TTN: variants seen among roughly 807,000 people sequenced by gnomAD.
TTN encodes the protein titin, also known as connectin.
TTN carries 1,525 observed loss-of-function variants against 3,223.0 expected under a neutral mutation model. The observed-to-expected ratio is 0.47, with a 90% confidence interval of 0.45 to 0.49. The LOEUF is 0.49. TTN is among the 20% of genes least tolerant of loss of function. TTN has a pLI of 0.00. For missense variants in TTN, 40,786 were observed against 43,424.0 expected, an observed-to-expected ratio of 0.94 and a Z score of 5.40; for synonymous variants, 14,094 against 15,161.0, an observed-to-expected ratio of 0.93 and a Z score of 5.17.
chr2:178,650,023 T>C, intron 210 of TTN, 129 bp from the exon 211 acceptor site: 1 of 1,298,430 alleles, frequency 7.7e-7, no homozygotes, highest in South Asian at 1.3e-5. Context: ...CAAAGTTTTA[T>C]GTGTAGAAAT....
rs752616186 is a variant in TTN, at chr2:178,757,630, G to T, written c.10590C>A (p.Tyr3530Ter). Residue 3530 changes from tyrosine (Y) to a stop codon, truncating the protein, a stop_gained, in exon 45 of 363, where the codon TAC (tyrosine) becomes TAA (stop). Coordinates refer to ENST00000589042, the MANE Select transcript of TTN (RefSeq NM_001267550.2). LOFTEE classifies it high-confidence loss of function. Reference sequence around the variant, plus strand: ...AAGAGTACTGCCCAGCATGCTCTGAGTAAGCATCAACTATAAGCATTAAAG... The same window carrying T: ...AAGAGTACTGCCCAGCATGCTCTGATTAAGCATCAACTATAAGCATTAAAG... ...GMALMLIVDA[Y>*]SEHAGQYSCK... 1.8e-5 allele frequency: 29 copies of T among 1,613,742 alleles called. No individual in the cohort carries two copies. The highest frequency in any genetic ancestry group is 2.4e-5 in the Non-Finnish European group (28 of 1,179,718).
chr2:178,793,322 A>T (rs1483287862), intron 9 of TTN, 82 bp downstream of exon 9: 2 of 1,555,042 alleles, frequency 1.3e-6, no homozygotes, highest in Non-Finnish European at 1.7e-6. Context: ...CCCAAGGAAC[A>T]ACACTCTTCA....
intron 218 of TTN, among the ~76,000 whole-genome samples, chr2:178,642,899 A>G (rs1012421975): frequency 2.0e-5 from 3 of 152,042 alleles, no homozygotes; most frequent in African/African-American, 7.2e-5. Context: ...GAATTATAAA[A>G]TTTCAAAGCT....
In TTN at chr2:178,680,177, AG is replaced by A. The variant is rs1214700511; in HGVS notation, c.33418+76del. 3.2e-6 allele frequency: 5 copies of A among 1,582,992 alleles called. No individual in the cohort carries two copies. In the East Asian group the frequency reaches 1.1e-4, roughly 35 times the overall value. Reference sequence around the variant, plus strand: ...CAAGATTTACTTTTCCCACAAAAGAAGTTTTCACACACAGAACTGAAGAGGA... The same window carrying A: ...CAAGATTTACTTTTCCCACAAAAGAATTTTCACACACAGAACTGAAGAGGA... On this transcript the variant is annotated intron_variant, in intron 139 of 362. Transcript: ENST00000589042.
chr2:178,620,825 T>A lies in TTN; in HGVS notation c.45785A>T (p.Tyr15262Phe), dbSNP rs2058153201. Residue 15262 changes from tyrosine (Y) to phenylalanine (F), a missense_variant, in exon 247 of 363, where the codon TAC becomes TTC. Coordinates refer to ENST00000589042, the MANE Select transcript of TTN (RefSeq NM_001267550.2). ...KYIILQKDLV[Y>F]TLRIRDAHLD... is the part of the protein sequence containing the mutation. ...GTGTGCATCTCTAATTCTGAGGGTG[T>A]AGACTAGGTCTTTTTGGAGAATGAT... 6.2e-7 allele frequency: 1 copy of A among 1,612,738 alleles called. No homozygotes were observed.
At chr2:178,617,658 A>T (rs2057606189) in intron 253 of TTN, 121 bp downstream of exon 253, 2 of 1,440,054 alleles carry the variant, frequency 1.4e-6, no homozygotes, top group Non-Finnish European at 9.4e-7. Flanking sequence ...CTAAAACTTT[A>T]TCCAAATTTT....
At chr2:178,763,287 C>A (rs2089684104) in intron 43 of TTN, among the ~76,000 whole-genome samples, 1 of 152,132 alleles carries the variant, frequency 6.6e-6, no homozygotes, top group Non-Finnish European at 1.5e-5. Flanking sequence ...GAAGCATGCC[C>A]CAATTAAAAA....
chr2:178,665,262 A>G lies in TTN; in HGVS notation c.36043+115T>C, dbSNP rs944636421. 3.2e-5 allele frequency: 34 copies of G among 1,057,464 alleles called. No individual in the cohort carries two copies. The African/African-American group carries it at 4.0e-4, about 13-fold the overall frequency. The allele number at this position is 1,057,464 out of a possible 1,614,324, so 65.5% of individuals were successfully genotyped here. A position where few individuals can be genotyped will look rare whatever the true frequency, so the allele number is the denominator to read the frequency against. On this transcript the variant is annotated intron_variant, in intron 165 of 362. Coordinates refer to ENST00000589042, the MANE Select transcript of TTN (RefSeq NM_001267550.2). ...CTTCCTGTGGAACCTCAGACACTTA[A>G]AAGATATTAGTATGTTTATATTTAG...
At chr2:178,772,939 T>C (rs749393971) in intron 33 of TTN, 170 bp downstream of exon 33, 32 of 789,312 alleles carry the variant, frequency 4.1e-5, no homozygotes, top group Non-Finnish European at 6.2e-5. Flanking sequence ...TAGAAGAACA[T>C]TTGTAATTTA....
intron 102 of TTN, among the ~76,000 whole-genome samples, chr2:178,705,837 G>A (rs1378114844): frequency 6.6e-6 from 1 of 152,122 alleles, no homozygotes; most frequent in African/African-American, 2.4e-5. Flanking sequence ...AGTTGTTTTA[G>A]AGAACCATTC....
chr2:178,591,043 T>TA lies in TTN; in HGVS notation c.60681dup (p.Lys20228Ter), dbSNP rs797044692. 2 of 1,613,340 alleles carry TA rather than the reference T, an allele frequency of 1.2e-6. No homozygotes were observed. Among genetic ancestry groups the TA allele is most frequent in the African/African-American group, 2.7e-5 (2 of 74,900 alleles). Reference sequence around the variant, plus strand: ...AGATGTGGGATTTTCAGCTTTGTCTTACTGCTTCCGGAAGAGACAACACCC... The same window carrying TA: ...AGATGTGGGATTTTCAGCTTTGTCTTAACTGCTTCCGGAAGAGACAACACCC... On this transcript the variant is annotated frameshift_variant, in exon 304 of 363. Transcript: ENST00000589042. LOFTEE classifies it high-confidence loss of function.
Position 178,704,189 on chromosome 2 carries a change from T to G in TTN, c.30181A>C (p.Lys10061Gln), listed in dbSNP as rs184153985. 120 of 1,614,006 alleles carry G rather than the reference T, an allele frequency of 7.4e-5. No individual in the cohort carries two copies. In the African/African-American group the frequency reaches 1.5e-3, roughly 20 times the overall value. Residue 10061 changes from lysine to glutamine, a missense_variant, in exon 106 of 363, where the codon AAA becomes CAA. Physicochemically the swap from Lys to Gln is moderately conservative, Grantham distance 53. Coordinates refer to ENST00000589042, the MANE Select transcript of TTN (RefSeq NM_001267550.2). ...GCTGAAGTTTCAAGGTCTTCATATT[T>G]GCAGGTGTACTGACCCTGGTCTTCT... ...RAEDQGQYTC[K>Q]YEDLETSAEL...
rs530882589 is a variant in TTN at position 178,648,077 on chromosome 2, A to G, written c.40058-613T>C. Among the ~76,000 whole-genome samples, 188 of 152,194 alleles carry G rather than the reference A, an allele frequency of 1.2e-3. 1 individual carries two copies. The highest frequency in any genetic ancestry group is 1.0e-2 in the South Asian group (48 of 4,818). On this transcript the variant is annotated intron_variant, in intron 213 of 362. Coordinates refer to ENST00000589042, the MANE Select transcript of TTN (RefSeq NM_001267550.2). ...CTCTTAAAGACCTTAAATAATTGCA[A>G]TGGGTCTTTACTATTTAGTAGCTGA...
Position 178,532,323 on chromosome 2 carries a change from G to T in TTN, c.104292C>A (p.Ile34764=). The T allele has an allele frequency of 6.2e-7, 1 of 1,614,012 alleles. No homozygotes were observed. ...ACTCTTCATCCTCCCTCTCAGCCAT[G>T]ATTCTTTGCCGTTGCTTTGGCTGTC... ...AYRQPKQRQR[I]MAEREDEELL... is the part of the protein sequence containing the mutation. The change falls in exon 358 of 363, where the codon ATC becomes ATA. Residue 34764 remains isoleucine (I), a synonymous_variant. Transcript: ENST00000589042.
At position 178,562,093 on chromosome 2, in the gene TTN, A is replaced by T; in HGVS notation, c.84039T>A (p.Ser28013=). The change falls in exon 326 of 363, where the codon TCT becomes TCA. Residue 28013 remains serine (S), a synonymous_variant. Coordinates refer to ENST00000589042, the MANE Select transcript of TTN (RefSeq NM_001267550.2). ...TAGATAGTGATGTTACAGTCTTTGAAGAAGAAACATTGACTCTAGTTGTCT... is the reference window on the plus strand; with the variant it reads ...TAGATAGTGATGTTACAGTCTTTGATGAAGAAACATTGACTCTAGTTGTCT... ...LKETTRVNVS[S]SKTVTSLSIK... The T allele has an allele frequency of 6.2e-7, 1 of 1,613,312 alleles. No individual in the cohort carries two copies.
At chr2:178,796,623 TA>T (rs2093782087) in intron 6 of TTN, among the ~76,000 whole-genome samples, 1 of 152,200 alleles carries the variant, frequency 6.6e-6, no homozygotes, top group Non-Finnish European at 1.5e-5. Flanking sequence ...CAAGTTAGAA[TA>T]ATGTGTGGTT....
intron 72 of TTN, 49 bp from the exon 73 acceptor site, chr2:178,724,192 A>G (rs1206577688): frequency 1.9e-6 from 3 of 1,581,568 alleles, no homozygotes; most frequent in Non-Finnish European, 2.6e-6. Flanking sequence ...AGAATAGAAG[A>G]GACTTGAAAG....
chr2:178,732,914 A>G lies in TTN; in HGVS notation c.16262T>C (p.Met5421Thr), dbSNP rs1304285904. 3 of 1,613,466 alleles carry G rather than the reference A, an allele frequency of 1.9e-6. No individual in the cohort carries two copies. Among genetic ancestry groups the G allele is most frequent in the Non-Finnish European group, 2.5e-6 (3 of 1,179,702 alleles). Residue 5421 changes from methionine (M) to threonine (T), a missense_variant, in exon 55 of 363, where the codon ATG (methionine) becomes ACG (threonine). Transcript: ENST00000589042. ...ACAAGTGAAATTCCCTGCATCATTC[A>G]TGTCTACTCTGATGATCTCCAAAGA... is the stretch of plus-strand genomic sequence containing the variant. ...TASLEIIRVD[M>T]NDAGNFTCRA... is the part of the protein sequence containing the mutation.
In TTN at chr2:178,548,955, C is replaced by G; in HGVS notation, c.92671G>C (p.Glu30891Gln). ...ATAGCACTAACTCGGAATTTGTATTCTTCACCTGCTTGTAGATCAGTGACT... is the reference window on the plus strand; with the variant it reads ...ATAGCACTAACTCGGAATTTGTATTGTTCACCTGCTTGTAGATCAGTGACT... Reference protein sequence around the residue: ...YTVTDLQAGEEYKFRVSAING... With the variant: ...YTVTDLQAGEQYKFRVSAING... Residue 30891 changes from glutamate (E) to glutamine (Q), a missense_variant, in exon 339 of 363, where the codon GAA (glutamate) becomes CAA (glutamine). Transcript: ENST00000589042. The surrounding 1 kb of genome is among the most constrained non-coding windows in gnomAD (Gnocchi z 4.3). 1 of 1,613,902 alleles carries G rather than the reference C, an allele frequency of 6.2e-7. No homozygotes were observed. Among genetic ancestry groups the G allele is most frequent in the Non-Finnish European group, 8.5e-7 (1 of 1,179,828 alleles).
Sources: gnomAD v4.1 joint callset for allele counts (sites outside exome capture counted in the v4.1 genomes callset) on GRCh38, gnomAD v4.1.1 for gene constraint, Gnocchi (gnomAD v3.1) non-coding constraint, MANE v1.5 for transcripts, NCBI Gene and HGNC (gene_info 2026-07-23, HGNC 2026-07-21) for gene names.